LRRC74A: variants seen among roughly 807,000 people sequenced by gnomAD.
The protein encoded by LRRC74A is leucine-rich repeat-containing protein 74A.
LRRC74A carries 44 observed loss-of-function variants against 57.9 expected under a neutral mutation model. The observed-to-expected ratio is 0.76, with a 90% CI of 0.60 to 0.98. LRRC74A has a LOEUF of 0.98. Ranked by LOEUF, LRRC74A falls within the 50% of genes least tolerant of loss-of-function variation. LRRC74A has a pLI of 0.00. For missense variants in LRRC74A, 572 were observed against 574.0 expected (o/e 1.00, Z 0.04); for synonymous variants, 211 against 219.4 (o/e 0.96, Z 0.34).
At chr14:76,851,380 T>C (rs1897473489) in intron 7 of LRRC74A, among the ~76,000 whole-genome samples, 1 of 152,354 alleles carries the variant, frequency 6.6e-6, no homozygotes, top group Non-Finnish European at 1.5e-5. Context: ...ATTTTTGAGA[T>C]GCAGTCTTGC....
chr14:76,827,610 T>C (rs1895664240), intron 1 of LRRC74A, among the ~76,000 whole-genome samples: 1 of 152,184 alleles, frequency 6.6e-6, no homozygotes, highest in Non-Finnish European at 1.5e-5. Context: ...TGCAGAGGAC[T>C]GGTGTGAGGG....
chr14:76,829,405 T>C (rs545536850), intron 2 of LRRC74A, among the ~76,000 whole-genome samples: 8 of 152,358 alleles, frequency 5.3e-5, no homozygotes, highest in Non-Finnish European at 1.0e-4. Context: ...CCCAGGCAGC[T>C]TGTTGCTCTT....
intron 5 of LRRC74A, among the ~76,000 whole-genome samples, chr14:76,844,015 T>TA (rs1896953114): frequency 6.6e-6 from 1 of 151,874 alleles, no homozygotes; most frequent in Non-Finnish European, 1.5e-5. Flanking sequence ...TTTCTTTTTT[T>TA]AAAAACAGGA....
intron 6 of LRRC74A, 34 bp downstream of exon 6, chr14:76,844,506 G>T (rs1896991003): frequency 1.2e-6 from 2 of 1,607,080 alleles, no homozygotes; most frequent in Admixed American, 1.7e-5. Context: ...AGCCACGTGG[G>T]CGATGTCCCT....
At chr14:76,837,689 C>T (rs1212885947) in intron 4 of LRRC74A, among the ~76,000 whole-genome samples, 186 bp from the exon 5 acceptor site, 1 of 152,122 alleles carries the variant, frequency 6.6e-6, no homozygotes, top group East Asian at 1.9e-4. Context: ...GAAAAGCTGG[C>T]TCTAGAGCCC....
chr14:76,828,401 A>G lies in LRRC74A; in HGVS notation c.148A>G (p.Thr50Ala). The change falls in exon 2 of 14, where the codon ACA becomes GCA. Residue 50 changes from threonine (T) to alanine (A), a missense_variant. By Grantham distance (58) the Thr-to-Ala change is moderately conservative. Transcript: ENST00000689127. ...KVKPARENSE[T>A]DLEIEDDEKF... is the part of the protein sequence containing the mutation. ...GAAACCAGCCCGGGAGAATTCGGAA[A>G]CAGACCTGGAGATTGAAGGCGAGCA... 6.2e-7 allele frequency: 1 copy of G among 1,614,038 alleles called. No individual in the cohort carries two copies. Among genetic ancestry groups the G allele is most frequent in the South Asian group, 1.1e-5 (1 of 91,084 alleles).
chr14:76,857,454 G>A lies in LRRC74A; in HGVS notation c.1032G>A (p.Arg344=). 6.3e-7 allele frequency: 1 copy of A among 1,581,780 alleles called. No individual in the cohort carries two copies. Among genetic ancestry groups the A allele is most frequent in the South Asian group, 1.2e-5 (1 of 86,722 alleles). Residue 344 remains arginine, a synonymous_variant, in exon 10 of 14, where the codon AGG becomes AGA. Transcript: ENST00000689127. ...CTATCAAGAGGAACCCCAAATCCAGGATGGAAGAGCTTGATATTTCCGTAA... is the reference window on the plus strand; with the variant it reads ...CTATCAAGAGGAACCCCAAATCCAGAATGGAAGAGCTTGATATTTCCGTAA... ...ILAIKRNPKS[R]MEELDISNVL...
chr14:76,828,525 G>A (rs765598737), intron 2 of LRRC74A, 106 bp downstream of exon 2: 8 of 1,544,694 alleles, frequency 5.2e-6, no homozygotes, highest in Non-Finnish European at 6.2e-6. Flanking sequence ...TCTGCCCTGC[G>A]GATGGCCTGT....
Position 76,837,989 on chromosome 14 carries a change from G to A in LRRC74A, c.544+18G>A, listed in dbSNP as rs922711437. 2 of 1,473,992 alleles carry A rather than the reference G, an allele frequency of 1.4e-6. No homozygotes were observed. The highest frequency in any genetic ancestry group is 1.4e-5 in the African/African-American group (1 of 71,614). The allele number at this position is 1,473,992 out of a possible 1,614,324, so 91.3% of individuals were successfully genotyped here. On this transcript the variant is annotated intron_variant, in intron 5 of 13. Coordinates refer to ENST00000689127, the MANE Select transcript of LRRC74A (RefSeq NM_001385106.1). ...GCTTTCAGGTGAGCACATGGAAAGG[G>A]AGGGAGAAGACACTGGGAATCAGAG... is the stretch of plus-strand genomic sequence containing the variant.
intron 7 of LRRC74A, among the ~76,000 whole-genome samples, chr14:76,847,573 A>G (rs1897189309): frequency 6.7e-6 from 1 of 148,744 alleles, no homozygotes; most frequent in African/African-American, 2.5e-5. Context: ...GGAACGGGAA[A>G]AATAACTGAG....
rs1281825450 is a variant in LRRC74A, at chr14:76,870,280, A to T, written c.*131A>T. On this transcript the variant is annotated 3_prime_UTR_variant, in exon 14 of 14. Transcript: ENST00000689127. ...TGTGGCAGGGGCTGGGCACAAGCAA[A>T]TAAAGTCTGGCTTGGTTCTGGGTGT... 24 of 1,051,518 alleles carry T rather than the reference A, an allele frequency of 2.3e-5. No homozygotes were observed. Among genetic ancestry groups the T allele is most frequent in the Non-Finnish European group, 3.4e-5 (24 of 704,884 alleles). The allele number at this position is 1,051,518 out of a possible 1,614,324, so 65.1% of individuals were successfully genotyped here.
intron 11 of LRRC74A, among the ~76,000 whole-genome samples, chr14:76,864,417 G>A (rs1305970317): frequency 3.9e-5 from 5 of 127,952 alleles, no homozygotes; most frequent in South Asian, 3.3e-4. Flanking sequence ...GGAAGGGGGG[G>A]GGGGGGTGGC....
At chr14:76,867,471 C>T (rs749632012) in intron 13 of LRRC74A, 33 bp downstream of exon 13, 38 of 1,177,572 alleles carry the variant, frequency 3.2e-5, no homozygotes, top group Non-Finnish European at 4.7e-5. Flanking sequence ...TCCCCGTTCT[C>T]TGCAAGGGGC....
intron 7 of LRRC74A, among the ~76,000 whole-genome samples, chr14:76,847,535 CTG>C (rs1897186404): frequency 6.6e-6 from 1 of 151,574 alleles, no homozygotes; most frequent in Non-Finnish European, 1.5e-5. Flanking sequence ...GGGGGACTAA[CTG>C]AGGGTGGAGG....
At chr14:76,836,874 C>T (rs2140267378) in intron 4 of LRRC74A, among the ~76,000 whole-genome samples, 1 of 150,998 alleles carries the variant, frequency 6.6e-6, no homozygotes. Context: ...GGCATGATGG[C>T]TCACGCCTGT....
At chr14:76,864,415 G>A (rs867737007) in intron 11 of LRRC74A, among the ~76,000 whole-genome samples, 1 of 127,018 alleles carries the variant, frequency 7.9e-6, no homozygotes, top group African/African-American at 2.9e-5. Flanking sequence ...GAGGAAGGGG[G>A]GGGGGGGGTG....
chr14:76,859,575 T>C (rs1242227808), intron 10 of LRRC74A, among the ~76,000 whole-genome samples: 1 of 149,542 alleles, frequency 6.7e-6, no homozygotes, highest in African/African-American at 2.4e-5. Flanking sequence ...AATGGTGCTG[T>C]TTAGGCCCTA....
At chr14:76,840,063 C>A (rs1405183625) in intron 5 of LRRC74A, among the ~76,000 whole-genome samples, 2 of 152,108 alleles carry the variant, frequency 1.3e-5, no homozygotes, top group Non-Finnish European at 2.9e-5. Context: ...AAGTTTATAT[C>A]TTTTATTGAT....
At position 76,863,729 on chromosome 14, in the gene LRRC74A, G is replaced by A. The variant is rs77388724; in HGVS notation, c.1201-2239G>A. ...TTTACTCCAACTAGGCTAAGCACAC[G>A]GGGGTTTATTACAGGAGAGAGATCA... On this transcript the variant is annotated intron_variant, in intron 11 of 13. Coordinates refer to ENST00000689127, the MANE Select transcript of LRRC74A (RefSeq NM_001385106.1). Among the ~76,000 whole-genome samples the A allele has an allele frequency of 5.6e-3, 847 of 152,318 alleles. 8 individuals carry two copies. Among genetic ancestry groups the A allele is most frequent in the African/African-American group, 0.019 (787 of 41,562 alleles).
Sources: allele counts gnomAD v4.1 joint callset (sites outside exome capture counted in the v4.1 genomes callset), GRCh38; gene constraint gnomAD v4.1.1; transcripts MANE v1.5; gene names NCBI Gene and HGNC (gene_info 2026-07-23, HGNC 2026-07-21).